The following APMAP variants were observed in gnomAD, a reference collection of about 807,000 sequenced individuals.
APMAP encodes adipocyte plasma membrane associated protein, also known as adipocyte plasma membrane-associated protein.
Under a neutral mutation model 43.6 loss-of-function variants are expected in APMAP, and 33 were observed. The observed-to-expected ratio is 0.76, with a 90% CI of 0.57 to 1.01. APMAP has a LOEUF of 1.01. APMAP is among the 50% of genes least tolerant of loss of function. The pLI is 0.00. For missense variants in APMAP, 498 were observed against 540.7 expected, an observed-to-expected ratio of 0.92 and a Z score of 0.78; for synonymous variants, 224 against 216.7, an observed-to-expected ratio of 1.03 and a Z score of -0.30.
chr20:24,971,999 G>C (rs1183383343), intron 4 of APMAP, among the ~76,000 whole-genome samples: 7 of 147,348 alleles, frequency 4.8e-5, no homozygotes, highest in Non-Finnish European at 7.5e-5. Context: ...GTTCACTGTG[G>C]GGTGCTCACT....
chr20:24,967,284 G>C (rs1487461661), intron 8 of APMAP, among the ~76,000 whole-genome samples: 3 of 152,306 alleles, frequency 2.0e-5, no homozygotes, highest in East Asian at 3.9e-4. Flanking sequence ...GACAGGGCGA[G>C]GCTCCGTCTC....
chr20:24,983,347 T>C (rs2088120278), intron 2 of APMAP, among the ~76,000 whole-genome samples: 1 of 152,232 alleles, frequency 6.6e-6, no homozygotes, highest in Admixed American at 6.5e-5. Flanking sequence ...CCTGCAACTA[T>C]GTCAACATGG....
At position 24,970,275 on chromosome 20, in the gene APMAP, A is replaced by C. The variant is rs190803665; in HGVS notation, c.635T>G (p.Ile212Ser). 1.1e-4 allele frequency: 183 copies of C among 1,613,828 alleles called. No homozygotes were observed. The East Asian group carries it at 4.1e-3, about 36-fold the overall frequency. ...TTTGCTGCTAGAATCGGTGAAATAA[A>C]TCTTCCTCCCATCCTGAGTGACTGT... The part of the protein sequence containing the change: ...DLTVTQDGRK[I>S]YFTDSSSKWQ... The change falls in exon 6 of 9, where the codon ATT (isoleucine) becomes AGT (serine). Residue 212 changes from isoleucine to serine, a missense_variant. Physicochemically the swap from Ile to Ser is moderately radical, Grantham distance 142 (BLOSUM62 -2). Transcript: ENST00000217456.
chr20:24,965,285 G>T (rs1047091127), intron 8 of APMAP, among the ~76,000 whole-genome samples: 1 of 152,240 alleles, frequency 6.6e-6, no homozygotes, highest in Non-Finnish European at 1.5e-5. Flanking sequence ...CTGCCCTGCC[G>T]CCTCTCCCCA....
rs576692726 is a variant in APMAP at position 24,978,738 on chromosome 20, G to C, written c.328+29C>G. 2.4e-4 allele frequency: 315 copies of C among 1,310,736 alleles called. 1 individual carries two copies. The highest frequency in any genetic ancestry group is 4.7e-4 in the South Asian group (39 of 83,756). The allele number at this position is 1,310,736 out of a possible 1,614,324, so 81.2% of individuals were successfully genotyped here. Reference sequence around the variant, plus strand: ...CCTCAGACAACAGACAGCCTGGAAGGCTCCCCCCCCACCCAAGCTTAGACT... The same window carrying C: ...CCTCAGACAACAGACAGCCTGGAAGCCTCCCCCCCCACCCAAGCTTAGACT... On this transcript the variant is annotated intron_variant, in intron 3 of 8. Coordinates refer to ENST00000217456, the MANE Select transcript of APMAP (RefSeq NM_020531.3).
intron 3 of APMAP, among the ~76,000 whole-genome samples, chr20:24,975,419 T>C (rs1185864832): frequency 2.0e-5 from 3 of 152,170 alleles, no homozygotes; most frequent in Non-Finnish European, 4.4e-5. Context: ...CACAATACTA[T>C]GTACATTAGC....
intron 3 of APMAP, 22 bp downstream of exon 3, chr20:24,978,745 C>CT: frequency 2.2e-6 from 3 of 1,343,146 alleles, no homozygotes; most frequent in South Asian, 2.3e-5. Context: ...AAGGCTCCCC[C>CT]CCCACCCAAG....
chr20:24,987,757 G>A (rs2088160581), intron 1 of APMAP, among the ~76,000 whole-genome samples: 1 of 151,884 alleles, frequency 6.6e-6, no homozygotes, highest in East Asian at 1.9e-4. Context: ...TAATTTTATG[G>A]TATGTGAATT....
At chr20:24,978,746 C>CG (rs1555845620) in intron 3 of APMAP, 21 bp downstream of exon 3, 12 of 1,255,888 alleles carry the variant, frequency 9.6e-6, no homozygotes, top group South Asian at 1.3e-5. Flanking sequence ...AGGCTCCCCC[C>CG]CCACCCAAGC....
intron 4 of APMAP, among the ~76,000 whole-genome samples, chr20:24,972,137 TG>T (rs2088008815): frequency 6.9e-6 from 1 of 144,074 alleles, no homozygotes; most frequent in African/African-American, 2.6e-5. Flanking sequence ...TCATTGCAGG[TG>T]CTTATTGCAA....
intron 5 of APMAP, among the ~76,000 whole-genome samples, chr20:24,970,680 A>T (rs191408115): frequency 6.6e-6 from 1 of 152,346 alleles, no homozygotes; most frequent in Non-Finnish European, 1.5e-5. Flanking sequence ...GTTCTATTTG[A>T]GAGAAATATG....
At position 24,992,552 on chromosome 20, in the gene APMAP, T is replaced by C. The variant is rs534432474; in HGVS notation, c.95+42A>G. On this transcript the variant is annotated intron_variant, in intron 1 of 8. Transcript: ENST00000217456. ...GTCCAAGAGGGTCGCCCTCCACTCCTAGCGGCCCGGCTCCAGCGCCCAGTC... is the reference window on the plus strand; with the variant it reads ...GTCCAAGAGGGTCGCCCTCCACTCCCAGCGGCCCGGCTCCAGCGCCCAGTC... 1.0e-4 allele frequency: 147 copies of C among 1,440,308 alleles called. 1 individual carries two copies. The highest frequency in any genetic ancestry group is 7.3e-4 in the South Asian group (54 of 73,526). The allele number at this position is 1,440,308 out of a possible 1,614,324, so 89.2% of individuals were successfully genotyped here. A position where few individuals can be genotyped will look rare whatever the true frequency, so the allele number is the denominator to read the frequency against.
intron 8 of APMAP, among the ~76,000 whole-genome samples, chr20:24,965,906 GTGT>G (rs1292310071): frequency 1.3e-5 from 2 of 152,214 alleles, no homozygotes; most frequent in Admixed American, 1.3e-4. Context: ...CAGTCCTGTG[GTGT>G]TGTCATGGTT....
rs529991245 is a variant in APMAP at position 24,964,068 on chromosome 20, A to T, written c.1042-46T>A. 6.2e-5 allele frequency: 99 copies of T among 1,592,658 alleles called. 1 individual carries two copies. In the South Asian group the frequency reaches 1.1e-3, roughly 17 times the overall value. ...GGGAAAGTTCACCAGCTGGCCAAGAACACTGTGCGCAGATCAACCGTGCCG... is the reference window on the plus strand; with the variant it reads ...GGGAAAGTTCACCAGCTGGCCAAGATCACTGTGCGCAGATCAACCGTGCCG... On this transcript the variant is annotated intron_variant, in intron 8 of 8. Transcript: ENST00000217456.
At chr20:24,964,045 G>C (rs1337101768) in intron 8 of APMAP, 23 bp from the exon 9 acceptor site, 3 of 1,611,628 alleles carry the variant, frequency 1.9e-6, no homozygotes, top group African/African-American at 2.7e-5. Context: ...ACAGTGCAGG[G>C]AAAGTTCACC....
At position 24,963,528 on chromosome 20, in the gene APMAP, G is replaced by T. The variant is rs1303297938; in HGVS notation, c.*285C>A. On this transcript the variant is annotated 3_prime_UTR_variant, in exon 9 of 9. Coordinates refer to ENST00000217456, the MANE Select transcript of APMAP (RefSeq NM_020531.3). The stretch of plus-strand genomic sequence containing the variant: ...AGGAGCTTCCCAAATCCTAGAGAAT[G>T]ACTGTACTTAGAAAGTTTTGTTTTG... The T allele has an allele frequency of 2.3e-6, 1 of 436,218 alleles. No homozygotes were observed. The highest frequency in any genetic ancestry group is 3.9e-5 in the Admixed American group (1 of 25,662). 27.0% of individuals were successfully genotyped at this position (436,218 alleles called of 1,614,324 possible).
At position 24,973,755 on chromosome 20, in the gene APMAP, AAGG is replaced by A; in HGVS notation, c.329-21_329-19del. 3 of 1,608,868 alleles carry A rather than the reference AAGG, an allele frequency of 1.9e-6. No individual in the cohort carries two copies. Among genetic ancestry groups the A allele is most frequent in the Non-Finnish European group, 2.6e-6 (3 of 1,175,472 alleles). ...CATCACATCTGTTTAAAAACACAAA[AAGG>A]AGGAAGAGCAATGTTAGCCTAAGAA... On this transcript the variant is annotated intron_variant, in intron 3 of 8. Transcript: ENST00000217456.
Position 24,969,610 on chromosome 20 carries a change from T to A in APMAP, c.764A>T (p.Gln255Leu). ...CTGGACTCCATTCGGGAACCGCAGC[T>A]GGTCCAATAAAACTTTTACTTCCCT... ...VTREVKVLLD[Q>L]LRFPNGVQLS... is the part of the protein sequence containing the mutation. Residue 255 changes from glutamine (Q) to leucine (L), a missense_variant, in exon 7 of 9, where the codon CAG (glutamine) becomes CTG (leucine). By Grantham distance (113) the Gln-to-Leu change is moderately radical. Transcript: ENST00000217456. 3.7e-6 allele frequency: 6 copies of A among 1,614,168 alleles called. No homozygotes were observed. The highest frequency in any genetic ancestry group is 5.1e-6 in the Non-Finnish European group (6 of 1,179,974).
rs1478621429 is a variant in APMAP, at chr20:24,963,613, C to T, written c.*200G>A. On this transcript the variant is annotated 3_prime_UTR_variant, in exon 9 of 9. Transcript: ENST00000217456. ...CCTCATGGCAGATATGTTACACTTC[C>T]CTCTAAACAGAAAGACAAGCCCAGG... 1.7e-5 allele frequency: 10 copies of T among 600,584 alleles called. No homozygotes were observed. The highest frequency in any genetic ancestry group is 2.7e-5 in the Non-Finnish European group (9 of 337,476). 37.2% of individuals were successfully genotyped at this position (600,584 alleles called of 1,614,324 possible). A position where few individuals can be genotyped will look rare whatever the true frequency, so the allele number is the denominator to read the frequency against.
Sources: allele counts gnomAD v4.1 joint callset (sites outside exome capture counted in the v4.1 genomes callset), GRCh38; gene constraint gnomAD v4.1.1; transcripts MANE v1.5; gene names NCBI Gene and HGNC (gene_info 2026-07-23, HGNC 2026-07-21).